Variants in DHX40 observed in about 807,000 individuals in gnomAD.
DHX40 encodes the protein DEAH-box helicase 40, also known as probable ATP-dependent RNA helicase DHX40.
In DHX40, 28 loss-of-function variants were observed where a neutral mutation model predicts 89.6. The observed-to-expected ratio is 0.31, with a 90% CI of 0.23 to 0.43. The LOEUF (loss-of-function observed/expected upper bound fraction) is 0.43. Ranked by LOEUF, DHX40 falls within the 20% of genes least tolerant of loss-of-function variation. DHX40 has a pLI of 1.00. For missense variants in DHX40, 457 were observed against 844.0 expected (o/e 0.54, Z 5.68); for synonymous variants, 226 against 283.6 (o/e 0.80, Z 2.04).
chr17:59,570,780 C>A, intron 3 of DHX40, 117 bp downstream of exon 3: 3 of 1,008,582 alleles, frequency 3.0e-6, no homozygotes, highest in Non-Finnish European at 4.1e-6. Context: ...ACCTTCTGGG[C>A]TCAAGTGATC....
intron 14 of DHX40, 37 bp from the exon 15 acceptor site, chr17:59,602,476 AAATTGTACT>A (rs2030589427): frequency 1.4e-6 from 2 of 1,465,868 alleles, no homozygotes; most frequent in South Asian, 2.5e-5. Flanking sequence ...AGATTATTTC[AAATTGTACT>A]ATGAGATTTA....
chr17:59,587,009 C>T (rs117198798), intron 11 of DHX40, among the ~76,000 whole-genome samples: 6,275 of 151,924 alleles, frequency 0.041, 198 homozygotes, highest in Non-Finnish European at 0.062. Context: ...AAAAATTAGC[C>T]GATGGTGTTG....
chr17:59,591,365 G>A (rs527962000), intron 12 of DHX40, among the ~76,000 whole-genome samples: 10 of 151,288 alleles, frequency 6.6e-5, no homozygotes, highest in African/African-American at 2.4e-4. Context: ...CTATTACAGA[G>A]TATTGAAGTA....
At chr17:59,574,670 GGTCT>G (rs963960276) in intron 6 of DHX40, among the ~76,000 whole-genome samples, 1 of 150,890 alleles carries the variant, frequency 6.6e-6, no homozygotes, top group Non-Finnish European at 1.5e-5. Flanking sequence ...TGTTTTTGTT[GGTCT>G]GTCTTAGATA....
At chr17:59,579,027 T>G (rs1223574926) in intron 8 of DHX40, among the ~76,000 whole-genome samples, 1 of 141,728 alleles carries the variant, frequency 7.1e-6, no homozygotes, top group African/African-American at 2.5e-5. Flanking sequence ...TGTGTATATA[T>G]GCGTGTGTAT....
Position 59,574,271 on chromosome 17 carries a change from A to C in DHX40, c.841+17A>C. ...TTCTGACTGGTGAGCATTCAGTATC[A>C]AGTTAAAAAACTTAAGTATTTGTAA... On this transcript the variant is annotated intron_variant, in intron 6 of 17. Coordinates refer to ENST00000251241, the MANE Select transcript of DHX40 (RefSeq NM_024612.5). 1 of 451,376 alleles carries C rather than the reference A, an allele frequency of 2.2e-6. No individual in the cohort carries two copies. The highest frequency in any genetic ancestry group is 3.9e-6 in the Non-Finnish European group (1 of 258,508). The allele number at this position is 451,376 out of a possible 1,614,324, so 28.0% of individuals were successfully genotyped here.
chr17:59,577,149 G>C, intron 7 of DHX40, 117 bp from the exon 8 acceptor site: 1 of 816,994 alleles, frequency 1.2e-6, no homozygotes, highest in Non-Finnish European at 2.0e-6. Flanking sequence ...GATTACAGGC[G>C]TGAGTCACCA....
intron 11 of DHX40, among the ~76,000 whole-genome samples, chr17:59,587,045 T>G (rs928031824): frequency 4.6e-5 from 7 of 151,248 alleles, no homozygotes; most frequent in South Asian, 2.1e-4. Context: ...CCCAGCTACT[T>G]GGGAAGCTGA....
chr17:59,600,438 A>G (rs2143350955), intron 14 of DHX40, among the ~76,000 whole-genome samples: 1 of 150,696 alleles, frequency 6.6e-6, no homozygotes, highest in East Asian at 1.9e-4. Flanking sequence ...CTAGCATTTT[A>G]CATAAATGGA....
rs2030750913 is a variant in DHX40 at position 59,604,906 on chromosome 17, T to G, written c.1902-209T>G. 4 of 538,074 alleles carry G rather than the reference T, an allele frequency of 7.4e-6. No homozygotes were observed. The East Asian group carries it at 1.2e-4, about 16-fold the overall frequency. 33.3% of individuals were successfully genotyped at this position (538,074 alleles called of 1,614,324 possible). A position where few individuals can be genotyped will look rare whatever the true frequency, so the allele number is the denominator to read the frequency against. On this transcript the variant is annotated intron_variant, in intron 15 of 17. Transcript: ENST00000251241. ...CCTTATACCTAATTGTAGTGACTTA[T>G]ACCTAATTGTAGTGACTGTTTAACC... is the stretch of plus-strand genomic sequence containing the variant.
Position 59,607,329 on chromosome 17 carries a change from A to C in DHX40, c.*157A>C. ...AATCAAAGCTCATAAATCAAAGCTC[A>C]TCAGTTCCCATAAATGCAGTTGTCA... On this transcript the variant is annotated 3_prime_UTR_variant, in exon 18 of 18. Transcript: ENST00000251241. 66 of 1,433,852 alleles carry C rather than the reference A, an allele frequency of 4.6e-5. No homozygotes were observed. Among genetic ancestry groups the C allele is most frequent in the African/African-American group, 5.6e-5 (4 of 70,850 alleles). The allele number at this position is 1,433,852 out of a possible 1,614,324, so 88.8% of individuals were successfully genotyped here. A position where few individuals can be genotyped will look rare whatever the true frequency, so the allele number is the denominator to read the frequency against.
chr17:59,566,787 T>C lies in DHX40; in HGVS notation c.273T>C (p.Tyr91=), dbSNP rs1428631662. ...CAACTCAACTCCCAAAATATCTATA[T>C]GAAGCAGGTGATTTTTTTCTGTTGT... is the stretch of plus-strand genomic sequence containing the variant. ...GKTTQLPKYL[Y]EAGFSQHGMI... The change falls in exon 2 of 18, where the codon TAT becomes TAC. Residue 91 remains tyrosine, a synonymous_variant. Coordinates refer to ENST00000251241, the MANE Select transcript of DHX40 (RefSeq NM_024612.5). The C allele has an allele frequency of 6.4e-7, 1 of 1,567,444 alleles. No homozygotes were observed. Among genetic ancestry groups the C allele is most frequent in the African/African-American group, 1.4e-5 (1 of 71,842 alleles).
chr17:59,569,048 G>A (rs536958365), intron 2 of DHX40, among the ~76,000 whole-genome samples: 1 of 152,062 alleles, frequency 6.6e-6, no homozygotes, highest in Non-Finnish European at 1.5e-5. Context: ...CCAGTTTTAG[G>A]CTGGGTGCAG....
intron 17 of DHX40, 35 bp from the exon 18 acceptor site, chr17:59,606,998 C>G: frequency 6.3e-7 from 1 of 1,577,844 alleles, no homozygotes; most frequent in Non-Finnish European, 8.7e-7. Flanking sequence ...AATCTCAAAG[C>G]TAAGTTTTAT....
chr17:59,588,330 TC>T (rs1434864758), intron 12 of DHX40, among the ~76,000 whole-genome samples: 1 of 151,012 alleles, frequency 6.6e-6, no homozygotes, highest in Non-Finnish European at 1.5e-5. Context: ...TTGACATTCA[TC>T]CCCTCAACCT....
intron 3 of DHX40, 32 bp downstream of exon 3, chr17:59,570,695 T>C (rs773671710): frequency 6.3e-7 from 1 of 1,589,934 alleles, no homozygotes; most frequent in Non-Finnish European, 8.6e-7. Flanking sequence ...TTGTTTCTTT[T>C]CTTTTATGGG....
In DHX40 at chr17:59,605,514, C is replaced by T. The variant is rs375333883; in HGVS notation, c.2040C>T (p.Tyr680=). 53 of 1,613,990 alleles carry T rather than the reference C, an allele frequency of 3.3e-5. No homozygotes were observed. The highest frequency in any genetic ancestry group is 6.7e-5 in the African/African-American group (5 of 74,884). The change falls in exon 17 of 18, where the codon TAC becomes TAT. Residue 680 remains tyrosine (Y), a synonymous_variant. Coordinates refer to ENST00000251241, the MANE Select transcript of DHX40 (RefSeq NM_024612.5). ...FHEVLVTTKV[Y]ARIVCPIRYE... ...AGGTATTGGTTACCACCAAAGTCTA[C>T]GCAAGAATTGTATGCCCAATCCGTT...
chr17:59,588,168 G>A, intron 12 of DHX40, 115 bp downstream of exon 12: 1 of 1,391,000 alleles, frequency 7.2e-7, no homozygotes, highest in Non-Finnish European at 9.6e-7. Flanking sequence ...ATTGCTTGAG[G>A]TCAGAAGTTG....
At chr17:59,601,654 C>T (rs2030533717) in intron 14 of DHX40, among the ~76,000 whole-genome samples, 1 of 152,026 alleles carries the variant, frequency 6.6e-6, no homozygotes, top group Non-Finnish European at 1.5e-5. Context: ...TGATAGATGT[C>T]CTCATTATGG....
Sources: allele counts gnomAD v4.1 joint callset (sites outside exome capture counted in the v4.1 genomes callset), GRCh38; gene constraint gnomAD v4.1.1; transcripts MANE v1.5; gene names NCBI Gene and HGNC (gene_info 2026-07-23, HGNC 2026-07-21).